Variants in CPEB1 observed in about 807,000 individuals in gnomAD.
The protein encoded by CPEB1 is cytoplasmic polyadenylation element binding protein 1.
In CPEB1, 7 loss-of-function variants were observed where a neutral mutation model predicts 65.8. That is an observed-to-expected ratio of 0.11 (90% CI 0.06 to 0.20). The LOEUF (loss-of-function observed/expected upper bound fraction) is 0.20. Among genes scored for constraint, CPEB1 ranks in the 10% least tolerant of loss-of-function variants. CPEB1 has a pLI of 1.00. For missense variants in CPEB1, 551 were observed against 712.2 expected (o/e 0.77, Z 2.58); for synonymous variants, 262 against 260.0 (o/e 1.01, Z -0.08).
chr15:82,571,986 G>A (rs1027850536), intron 3 of CPEB1: 3 of 388,960 alleles, frequency 7.7e-6, no homozygotes, highest in South Asian at 2.1e-4. Flanking sequence ...AGCGCCCTCC[G>A]GTCTCCAGCA....
intron 4 of CPEB1, among the ~76,000 whole-genome samples, chr15:82,569,662 C>T (rs1425358875): frequency 1.3e-5 from 2 of 152,210 alleles, no homozygotes; most frequent in Admixed American, 1.3e-4. Flanking sequence ...GCTCTCCAAG[C>T]CCCCAGTGGG....
chr15:82,585,177 C>T (rs896994311), intron 3 of CPEB1, among the ~76,000 whole-genome samples: 1 of 152,020 alleles, frequency 6.6e-6, no homozygotes, highest in East Asian at 1.9e-4. Context: ...ACCCTCCCCC[C>T]AGTACTAATT....
intron 3 of CPEB1, among the ~76,000 whole-genome samples, chr15:82,592,163 G>C (rs1344844273): frequency 6.6e-6 from 1 of 151,878 alleles, no homozygotes; most frequent in African/African-American, 2.4e-5. Context: ...TATTTTTATT[G>C]CCAAATAACA....
chr15:82,639,623 C>A (rs1312709735), intron 1 of CPEB1, among the ~76,000 whole-genome samples: 4 of 152,078 alleles, frequency 2.6e-5, no homozygotes, highest in African/African-American at 4.8e-5. Flanking sequence ...CAAGGGTGTA[C>A]AGAAAAGATT....
Position 82,547,175 on chromosome 15 carries a change from C to A in CPEB1, c.1543G>T (p.Val515Leu). The A allele has an allele frequency of 6.2e-7, 1 of 1,613,136 alleles. No homozygotes were observed. The highest frequency in any genetic ancestry group is 8.5e-7 in the Non-Finnish European group (1 of 1,179,478). Residue 515 changes from valine to leucine, a missense_variant, in exon 11 of 13, where the codon GTG (valine) becomes TTG (leucine). Val to Leu is a conservative substitution (Grantham distance 32, BLOSUM62 1). This residue lies in a region of CPEB1 where 98 missense variants were observed against 157.6 expected (regional missense o/e 0.62). Coordinates refer to ENST00000684509, the MANE Select transcript of CPEB1 (RefSeq NM_001365242.1). ...SYLKAVSAAF[V>L]EIKTTKFTKK... ...GTGAACTTGGTGGTTTTGATCTCCA[C>A]AAAAGCAGCGCTGACTGCTTTCAGG... is the stretch of plus-strand genomic sequence containing the variant.
In CPEB1 at chr15:82,600,272, T is replaced by C. The variant is rs1232149885; in HGVS notation, c.271+26921A>G. Among the ~76,000 whole-genome samples the C allele has an allele frequency of 2.6e-5, 4 of 152,254 alleles. No homozygotes were observed. In the East Asian group the frequency reaches 5.8e-4, roughly 22 times the overall value. On this transcript the variant is annotated intron_variant, in intron 3 of 12. Transcript: ENST00000684509. ...AGTATATGGAGAGTGAAATGATAAA[T>C]GCCAATCAAGAATTGTGTAACCACC...
chr15:82,568,398 T>C (rs542608816), intron 4 of CPEB1, among the ~76,000 whole-genome samples: 1 of 152,206 alleles, frequency 6.6e-6, no homozygotes, highest in East Asian at 1.9e-4. Flanking sequence ...CACTGGGGTA[T>C]GAGAAAAACG....
chr15:82,568,147 T>C (rs915530824), intron 4 of CPEB1, among the ~76,000 whole-genome samples: 2 of 152,206 alleles, frequency 1.3e-5, no homozygotes, highest in African/African-American at 4.8e-5. Context: ...ATTCTGAGCC[T>C]TCCAGGAGTT....
intron 3 of CPEB1, among the ~76,000 whole-genome samples, chr15:82,598,145 G>A (rs1030251099): frequency 3.9e-5 from 6 of 152,198 alleles, no homozygotes; most frequent in African/African-American, 1.4e-4. Flanking sequence ...AACCTACACA[G>A]CATTTGCACA....
intron 4 of CPEB1, chr15:82,562,195 T>G (rs1346192441): frequency 2.2e-6 from 1 of 455,676 alleles, no homozygotes; most frequent in Admixed American, 2.4e-5. Context: ...CACATCTGTT[T>G]GTCTTCACAT....
intron 3 of CPEB1, among the ~76,000 whole-genome samples, chr15:82,602,867 A>G (rs1264856432): frequency 1.3e-5 from 2 of 152,098 alleles, no homozygotes; most frequent in Admixed American, 1.3e-4. Context: ...AATAAAAATA[A>G]ATAAAATAAA....
intron 3 of CPEB1, among the ~76,000 whole-genome samples, chr15:82,580,604 A>T (rs2041183251): frequency 6.6e-6 from 1 of 152,150 alleles, no homozygotes; most frequent in Non-Finnish European, 1.5e-5. Context: ...TTGTGCAAGC[A>T]TCACTACTCT....
chr15:82,627,869 A>C (rs1242174952), intron 2 of CPEB1, among the ~76,000 whole-genome samples: 1 of 152,200 alleles, frequency 6.6e-6, no homozygotes, highest in East Asian at 1.9e-4. Context: ...TTAATATATT[A>C]AAACACTTAA....
Position 82,549,531 on chromosome 15 carries a change from G to A in CPEB1, c.1409C>T (p.Ala470Val). Residue 470 changes from alanine to valine, a missense_variant, in exon 10 of 13, where the codon GCC becomes GTC. Physicochemically the swap from Ala to Val is moderately conservative, Grantham distance 64. This residue lies in a region of CPEB1 where 98 missense variants were observed against 157.6 expected (regional missense o/e 0.62). Transcript: ENST00000684509. ...TCCACCAAATAGGTCGTTCAAGATGGCTGCCAGGGCCTCAGCATTTAGCAT... is the reference window on the plus strand; with the variant it reads ...TCCACCAAATAGGTCGTTCAAGATGACTGCCAGGGCCTCAGCATTTAGCAT... ...HGMLNAEALA[A>V]ILNDLFGGVV... is the part of the protein sequence containing the mutation. 1 of 1,614,218 alleles carries A rather than the reference G, an allele frequency of 6.2e-7. No homozygotes were observed. The highest frequency in any genetic ancestry group is 8.5e-7 in the Non-Finnish European group (1 of 1,180,046).
chr15:82,631,982 C>CTT (rs10656923), intron 1 of CPEB1, among the ~76,000 whole-genome samples: 48,375 of 124,932 alleles, frequency 0.39, 10,056 homozygotes, highest in South Asian at 0.48. Context: ...ATTTTTTTCT[C>CTT]TTTTTTTTTT....
chr15:82,625,641 C>G (rs1303981994), intron 3 of CPEB1, among the ~76,000 whole-genome samples: 2 of 152,128 alleles, frequency 1.3e-5, no homozygotes, highest in Non-Finnish European at 2.9e-5. Context: ...TTTTACATCC[C>G]TTGAATACCA....
chr15:82,547,911 G>A (rs938295872), intron 10 of CPEB1, among the ~76,000 whole-genome samples: 7 of 151,922 alleles, frequency 4.6e-5, no homozygotes, highest in East Asian at 1.9e-4. Flanking sequence ...GGACTCAAAC[G>A]ATCTGCCCCA....
At chr15:82,604,313 C>G (rs928203333) in intron 3 of CPEB1, among the ~76,000 whole-genome samples, 14 of 152,088 alleles carry the variant, frequency 9.2e-5, no homozygotes, top group Admixed American at 5.2e-4. Context: ...GAAACCCTGT[C>G]TCTACTAAAA....
chr15:82,562,557 T>G (rs761288701), intron 4 of CPEB1, among the ~76,000 whole-genome samples: 1 of 152,216 alleles, frequency 6.6e-6, no homozygotes, highest in Non-Finnish European at 1.5e-5. Context: ...CTGGAGGTTA[T>G]GGCCAAGTGC....
Sources: allele counts gnomAD v4.1 joint callset (sites outside exome capture counted in the v4.1 genomes callset), GRCh38; gene constraint gnomAD v4.1.1; regional missense constraint gnomAD v4.1.1; transcripts MANE v1.5; gene names NCBI Gene and HGNC (gene_info 2026-07-23, HGNC 2026-07-21).